Variants in MBD5 observed in about 807,000 individuals in gnomAD.
MBD5 encodes methyl-CpG binding domain protein 5.
Under a neutral mutation model 117.3 loss-of-function variants are expected in MBD5, and 13 were observed. The ratio of observed to expected loss-of-function variants is 0.11; its 90% CI spans 0.07 to 0.18. MBD5 has a LOEUF of 0.18. Ranked by LOEUF, MBD5 falls within the 10% of genes least tolerant of loss-of-function variation. The pLI is 1.00. For synonymous variants in MBD5, 727 were observed against 766.4 expected, an observed-to-expected ratio of 0.95 and a Z score of 0.85; for missense variants, 1,879 against 2,093.8, an observed-to-expected ratio of 0.90 and a Z score of 2.00.
intron 1 of MBD5, among the ~76,000 whole-genome samples, chr2:148,134,145 A>G (rs146250657): frequency 6.6e-6 from 1 of 152,256 alleles, no homozygotes; most frequent in African/African-American, 2.4e-5. Flanking sequence ...GATTTTACTT[A>G]CTGCTAATCA....
intron 9 of MBD5, chr2:148,485,088 C>T (rs554603937): frequency 4.6e-5 from 7 of 152,118 alleles, no homozygotes; most frequent in African/African-American, 1.4e-4. Flanking sequence ...AGAGTAATTT[C>T]AAAATAATTT....
intron 3 of MBD5, among the ~76,000 whole-genome samples, chr2:148,305,568 G>A (rs1701872388): frequency 6.6e-6 from 1 of 152,224 alleles, no homozygotes; most frequent in African/African-American, 2.4e-5. Context: ...CTGGTTTGCA[G>A]TTTGAATGTG....
chr2:148,180,350 A>G (rs924446506), intron 2 of MBD5, among the ~76,000 whole-genome samples: 1 of 129,728 alleles, frequency 7.7e-6, no homozygotes, highest in African/African-American at 2.9e-5. Context: ...ATACATATAT[A>G]TATATATATA....
At chr2:148,228,723 T>C (rs896578944) in intron 2 of MBD5, among the ~76,000 whole-genome samples, 7 of 152,226 alleles carry the variant, frequency 4.6e-5, no homozygotes, top group Non-Finnish European at 8.8e-5. Flanking sequence ...AATTCGGCTG[T>C]GAATCCATCT....
chr2:148,079,811 C>T (rs548218903), intron 1 of MBD5, among the ~76,000 whole-genome samples: 2 of 151,874 alleles, frequency 1.3e-5, no homozygotes, highest in South Asian at 2.1e-4. Flanking sequence ...GAGCTGAGAT[C>T]GCACCATTGC....
intron 3 of MBD5, among the ~76,000 whole-genome samples, chr2:148,321,319 A>C (rs79111211): frequency 6.6e-6 from 1 of 152,122 alleles, no homozygotes; most frequent in Non-Finnish European, 1.5e-5. Flanking sequence ...AAAAAAAAAA[A>C]TTGCCAAAAA....
chr2:148,088,636 A>G (rs530034644), intron 1 of MBD5, among the ~76,000 whole-genome samples: 1 of 152,332 alleles, frequency 6.6e-6, no homozygotes, highest in Non-Finnish European at 1.5e-5. Flanking sequence ...AAAGAAATAA[A>G]GTTTTTCAGA....
intron 4 of MBD5, among the ~76,000 whole-genome samples, chr2:148,359,140 G>A (rs913291462): frequency 2.0e-5 from 3 of 151,832 alleles, no homozygotes; most frequent in Admixed American, 6.6e-5. Context: ...CACCCTGCAC[G>A]CCTGTAGTCC....
At chr2:148,456,259 G>A (rs1706878552) in intron 4 of MBD5, among the ~76,000 whole-genome samples, 1 of 152,192 alleles carries the variant, frequency 6.6e-6, no homozygotes, top group African/African-American at 2.4e-5. Context: ...CAGATCCAGT[G>A]TCTGGTAAGG....
intron 4 of MBD5, among the ~76,000 whole-genome samples, chr2:148,364,854 G>T (rs1198876825): frequency 6.6e-6 from 1 of 152,154 alleles, no homozygotes; most frequent in Non-Finnish European, 1.5e-5. Context: ...AGTTCTTAGA[G>T]ACCCACAAAG....
chr2:148,288,437 A>G (rs961442149), intron 3 of MBD5, among the ~76,000 whole-genome samples: 1 of 148,808 alleles, frequency 6.7e-6, no homozygotes, highest in Non-Finnish European at 1.5e-5. Context: ...CAGTAATAAG[A>G]TGGAAATTCA....
At chr2:148,299,890 T>C (rs1701742312) in intron 3 of MBD5, among the ~76,000 whole-genome samples, 1 of 152,222 alleles carries the variant, frequency 6.6e-6, no homozygotes, top group Non-Finnish European at 1.5e-5. Flanking sequence ...GCTCCATTTA[T>C]ACTGGGCCAA....
At position 148,329,484 on chromosome 2, in the gene MBD5, A is replaced by G. The variant is rs146091279; in HGVS notation, c.-679-12730A>G. Among the ~76,000 whole-genome samples the G allele has an allele frequency of 7.5e-3, 1,145 of 152,284 alleles. 15 individuals carry two copies. The highest frequency in any genetic ancestry group is 0.025 in the African/African-American group (1,056 of 41,558). On this transcript the variant is annotated intron_variant, in intron 3 of 13. Transcript: ENST00000642680. ...TTTTTCAATTTCCCCTTAATGTTTTATTTATAAATAATAAAACAATTGTAC... is the reference window on the plus strand; with the variant it reads ...TTTTTCAATTTCCCCTTAATGTTTTGTTTATAAATAATAAAACAATTGTAC...
intron 3 of MBD5, among the ~76,000 whole-genome samples, chr2:148,272,591 A>T (rs773955227): frequency 2.2e-4 from 34 of 152,136 alleles, no homozygotes; most frequent in Non-Finnish European, 3.4e-4. Context: ...TCGTTTGAGA[A>T]ATGTCTATTC....
chr2:148,339,022 T>G (rs1271220220), intron 3 of MBD5, among the ~76,000 whole-genome samples: 1 of 151,950 alleles, frequency 6.6e-6, no homozygotes, highest in East Asian at 1.9e-4. Flanking sequence ...GAAGCTAAAG[T>G]TGGGGATGAT....
chr2:148,425,099 GT>G (rs1161975984), intron 4 of MBD5, among the ~76,000 whole-genome samples: 3 of 152,042 alleles, frequency 2.0e-5, no homozygotes, highest in Non-Finnish European at 4.4e-5. Flanking sequence ...CCAGGAGCTG[GT>G]TTTTTGAAAA....
chr2:148,205,302 C>T (rs1467264594), intron 2 of MBD5, among the ~76,000 whole-genome samples: 1 of 152,078 alleles, frequency 6.6e-6, no homozygotes, highest in Non-Finnish European at 1.5e-5. Context: ...GTTGGCCATG[C>T]TGGTCTCAAA....
chr2:148,420,697 ATGTTTTGTTTTGTTTTGTTT>A (rs3076613), intron 4 of MBD5, among the ~76,000 whole-genome samples: 58 of 147,490 alleles, frequency 3.9e-4, no homozygotes, highest in Non-Finnish European at 5.5e-4. Flanking sequence ...CTGATAAGTC[ATGTTTTGTTTTGTTTTGTTT>A]TGTTTTGTTT....
At chr2:148,214,901 T>C (rs1699514342) in intron 2 of MBD5, among the ~76,000 whole-genome samples, 1 of 152,112 alleles carries the variant, frequency 6.6e-6, no homozygotes, top group African/African-American at 2.4e-5. Flanking sequence ...TAAGAAGTTA[T>C]AATAGCACAT....
Sources: gnomAD v4.1 joint callset for allele counts (sites outside exome capture counted in the v4.1 genomes callset) on GRCh38, gnomAD v4.1.1 for gene constraint, MANE v1.5 for transcripts, NCBI Gene and HGNC (gene_info 2026-07-23, HGNC 2026-07-21) for gene names.